The following IL34 variants were observed in gnomAD, a reference collection of about 807,000 sequenced individuals.
IL34 encodes interleukin 34, also known as interleukin-34.
A neutral mutation model predicts 25.3 loss-of-function variants in IL34; 17 were observed. The ratio of observed to expected loss-of-function variants is 0.67; its 90% CI spans 0.46 to 1.01. IL34 has a LOEUF of 1.01. Ranked by LOEUF, IL34 falls within the 50% of genes least tolerant of loss-of-function variation. IL34 has a pLI of 0.00. For synonymous variants in IL34, 174 were observed against 140.9 expected, an observed-to-expected ratio of 1.23 and a Z score of -1.66; for missense variants, 368 against 312.9, an observed-to-expected ratio of 1.18 and a Z score of -1.33.
intron 1 of IL34, among the ~76,000 whole-genome samples, chr16:70,633,849 GTC>G (rs750427330): frequency 1.3e-5 from 2 of 151,674 alleles, no homozygotes; most frequent in African/African-American, 2.4e-5. Flanking sequence ...TTCTCCCTGA[GTC>G]TCTCTCTTTT....
chr16:70,659,682 T>C lies in IL34; in HGVS notation c.467T>C (p.Leu156Pro). ...CTCTTGAATGCCCCAGGGCCAAACC[T>C]GAAGCTGGTGCGGCCCAAAGCCCTG... ...LSLLNAPGPN[L>P]KLVRPKALLD... Residue 156 changes from leucine (L) to proline (P), a missense_variant, in exon 5 of 6, where the codon CTG becomes CCG. Leu to Pro is a moderately conservative substitution (Grantham distance 98, BLOSUM62 -3). Transcript: ENST00000288098. 6.2e-7 allele frequency: 1 copy of C among 1,612,882 alleles called. No individual in the cohort carries two copies. The highest frequency in any genetic ancestry group is 1.1e-5 in the South Asian group (1 of 90,930).
chr16:70,624,271 A>AG, intron 1 of IL34, among the ~76,000 whole-genome samples: 1 of 151,786 alleles, frequency 6.6e-6, no homozygotes, highest in South Asian at 2.1e-4. Context: ...GAGGTTCTGG[A>AG]GGAATACCTG....
In IL34 at chr16:70,633,154, A is replaced by G. The variant is rs544424973; in HGVS notation, c.-400-13394A>G. Among the ~76,000 whole-genome samples the G allele has an allele frequency of 3.3e-5, 5 of 149,688 alleles. No individual in the cohort carries two copies. The East Asian group carries it at 1.0e-3, about 30-fold the overall frequency. On this transcript the variant is annotated intron_variant, in intron 1 of 6. Transcript: ENST00000429149. ...TAATTTTTGTATTTTTAGTAGAGAC[A>G]GGGTTTCGCCATGTTGCCCAGGCAT...
At chr16:70,658,713 T>C (rs563788283) in intron 4 of IL34, among the ~76,000 whole-genome samples, 1 of 152,072 alleles carries the variant, frequency 6.6e-6, no homozygotes, top group Non-Finnish European at 1.5e-5. Flanking sequence ...TCAAGTGATA[T>C]GCCTCCCTCA....
At chr16:70,622,303 A>C (rs935090069) in intron 1 of IL34, among the ~76,000 whole-genome samples, 2 of 152,042 alleles carry the variant, frequency 1.3e-5, no homozygotes, top group Non-Finnish European at 2.9e-5. Context: ...ATGTTGAATA[A>C]AGCTAATTTG....
Position 70,657,015 on chromosome 16 carries a change from TCAGTG to T in IL34, c.298_302del (p.Ser100HisfsTer2). 6.2e-7 allele frequency: 1 copy of T among 1,612,318 alleles called. No individual in the cohort carries two copies. Among genetic ancestry groups the T allele is most frequent in the Non-Finnish European group, 8.5e-7 (1 of 1,179,930 alleles). ...CGGTATCTGTGGGTCTTGGTGAGCC[TCAGTG>T]CCACTGAGTCGGTGCAGGACGTGCT... is the stretch of plus-strand genomic sequence containing the variant. On this transcript the variant is annotated frameshift_variant, in exon 4 of 6. Coordinates refer to ENST00000288098, the MANE Select transcript of IL34 (RefSeq NM_001393494.1). LOFTEE classifies it high-confidence loss of function.
At chr16:70,603,136 C>CA (rs1324058874) in intron 1 of IL34, among the ~76,000 whole-genome samples, 3 of 151,900 alleles carry the variant, frequency 2.0e-5, no homozygotes, top group African/African-American at 4.8e-5. Context: ...AAAAAAAAGA[C>CA]AAAAAAATCA....
chr16:70,636,229 G>C (rs2051640143), intron 1 of IL34, among the ~76,000 whole-genome samples: 1 of 151,916 alleles, frequency 6.6e-6, no homozygotes, highest in African/African-American at 2.4e-5. Context: ...AGTAGAGACA[G>C]AGTTTCTCCA....
At chr16:70,609,342 G>A (rs1472679325) in intron 1 of IL34, among the ~76,000 whole-genome samples, 3 of 152,120 alleles carry the variant, frequency 2.0e-5, no homozygotes, top group African/African-American at 7.2e-5. Flanking sequence ...GCTTCCCAAA[G>A]TGCTGGGATT....
At chr16:70,635,463 G>C (rs2051619957) in intron 1 of IL34, among the ~76,000 whole-genome samples, 1 of 152,282 alleles carries the variant, frequency 6.6e-6, no homozygotes, top group East Asian at 1.9e-4. Context: ...GTACCAGTGT[G>C]GATGCTCCAC....
intron 1 of IL34, among the ~76,000 whole-genome samples, chr16:70,623,960 GGC>G: frequency 7.1e-6 from 1 of 141,772 alleles, no homozygotes; most frequent in South Asian, 2.6e-4. Flanking sequence ...TATTGATTAA[GGC>G]GACGGACTTA....
chr16:70,587,415 G>A (rs1170430994), intron 1 of IL34, among the ~76,000 whole-genome samples: 1 of 152,000 alleles, frequency 6.6e-6, no homozygotes, highest in Non-Finnish European at 1.5e-5. Context: ...GACTACAGAC[G>A]CCCGCCACCA....
In IL34 at chr16:70,646,715, G is replaced by A. The variant is rs1257308082; in HGVS notation, c.-233G>A. ...CAGACCTGCTTCTGGGCTGCCATGGGACTTGCGGCCACCGCCCCCCGGCTG... is the reference window on the plus strand; with the variant it reads ...CAGACCTGCTTCTGGGCTGCCATGGAACTTGCGGCCACCGCCCCCCGGCTG... On this transcript the variant is annotated 5_prime_UTR_variant, in exon 1 of 6. Transcript: ENST00000288098. 1 of 484,370 alleles carries A rather than the reference G, an allele frequency of 2.1e-6. No homozygotes were observed. Among genetic ancestry groups the A allele is most frequent in the South Asian group, 3.6e-5 (1 of 27,472 alleles). The allele number at this position is 484,370 out of a possible 1,614,324, so 30.0% of individuals were successfully genotyped here.
chr16:70,637,627 G>A (rs1451471409), intron 1 of IL34, among the ~76,000 whole-genome samples: 2 of 152,176 alleles, frequency 1.3e-5, no homozygotes, highest in Non-Finnish European at 2.9e-5. Flanking sequence ...TCACAGGTGT[G>A]AGCCACCGCG....
chr16:70,621,704 AAG>A (rs1180080065), intron 1 of IL34, among the ~76,000 whole-genome samples: 10 of 152,096 alleles, frequency 6.6e-5, no homozygotes, highest in African/African-American at 7.2e-5. Context: ...TGAGTCCGAA[AAG>A]AGAGTCAGTG....
At position 70,612,201 on chromosome 16, in the gene IL34, C is replaced by A. The variant is rs183761523; in HGVS notation, c.-401+32152C>A. Among the ~76,000 whole-genome samples, 270 of 152,268 alleles carry A rather than the reference C, an allele frequency of 1.8e-3. 3 individuals are homozygous for A. Among genetic ancestry groups the A allele is most frequent in the African/African-American group, 6.2e-3 (257 of 41,546 alleles). ...CTGGGATCATGGAACCAGCTGACCC[C>A]TGGGGGCTTTTCCTTCCAGCTTTAA... On this transcript the variant is annotated intron_variant, in intron 1 of 6. Coordinates refer to the IL34 transcript ENST00000429149.
intron 1 of IL34, among the ~76,000 whole-genome samples, chr16:70,580,662 T>C (rs1162176802): frequency 6.6e-6 from 1 of 151,422 alleles, no homozygotes; most frequent in Admixed American, 6.6e-5. Context: ...ATGCCTGTAA[T>C]CCCAGCTACT....
intron 1 of IL34, among the ~76,000 whole-genome samples, chr16:70,597,750 C>T (rs757521055): frequency 2.0e-5 from 3 of 152,132 alleles, no homozygotes; most frequent in Non-Finnish European, 4.4e-5. Context: ...AAATGGTATC[C>T]ATTTTGTTGT....
chr16:70,635,090 G>T (rs2051611932), intron 1 of IL34, among the ~76,000 whole-genome samples: 1 of 152,164 alleles, frequency 6.6e-6, no homozygotes, highest in East Asian at 1.9e-4. Context: ...CATAGAGTTT[G>T]ATTTTTCTAG....
Sources: gnomAD v4.1 joint callset for allele counts (sites outside exome capture counted in the v4.1 genomes callset) on GRCh38, gnomAD v4.1.1 for gene constraint, MANE v1.5 for transcripts, NCBI Gene and HGNC (gene_info 2026-07-23, HGNC 2026-07-21) for gene names.